COL28A1: variants seen among roughly 807,000 people sequenced by gnomAD.
The protein encoded by COL28A1 is collagen alpha-1(XXVIII) chain.
A neutral mutation model predicts 150.2 loss-of-function variants in COL28A1; 161 were observed. The observed-to-expected ratio is 1.07, with a 90% confidence interval of 0.94 to 1.22. The LOEUF is 1.22. Ranked by LOEUF, COL28A1 falls within the 50% of genes most tolerant of loss-of-function variation. COL28A1 has a pLI of 0.00. For synonymous variants in COL28A1, 552 were observed against 469.7 expected, an observed-to-expected ratio of 1.18 and a Z score of -2.26; for missense variants, 1,617 against 1,388.3, an observed-to-expected ratio of 1.16 and a Z score of -2.62.
Position 7,381,599 on chromosome 7 carries a change from G to A in COL28A1, c.2150C>T (p.Pro717Leu). ...GSQGIKGEQGPQGFPGPKGTM... is the reference protein window; with the variant it reads ...GSQGIKGEQGLQGFPGPKGTM... ...GCCCTTTGGGCCTGGGAAGCCTTGT[G>A]GTCCTTGTTCCCCCTACATAGGATA... is the stretch of plus-strand genomic sequence containing the variant. Residue 717 changes from proline to leucine, a missense_variant, in exon 28 of 35, where the codon CCA (proline) becomes CTA (leucine). Transcript: ENST00000399429. 1 of 1,613,394 alleles carries A rather than the reference G, an allele frequency of 6.2e-7. No homozygotes were observed.
rs115043226 is a variant in COL28A1 at position 7,397,831 on chromosome 7, C to A, written c.2137-16219G>T. On this transcript the variant is annotated intron_variant, in intron 27 of 34. Transcript: ENST00000399429. The stretch of plus-strand genomic sequence containing the variant: ...GAGTGAGGTCCACCCACCAGCCAAA[C>A]AGAGCACCTAATTCTTGAGCTCCAT... Among the ~76,000 whole-genome samples, 1,212 of 152,308 alleles carry A rather than the reference C, an allele frequency of 8.0e-3. 14 individuals carry two copies. Among genetic ancestry groups the A allele is most frequent in the African/African-American group, 0.027 (1,129 of 41,546 alleles).
chr7:7,452,234 A>G (rs114477688), intron 18 of COL28A1, 85 bp downstream of exon 18: 217,808 of 1,547,248 alleles, frequency 0.14, 19,270 homozygotes, highest in African/African-American at 0.43. Context: ...ACACACACAG[A>G]GTCTGTAAGG....
At chr7:7,509,631 A>G (rs1007024865) in intron 9 of COL28A1, among the ~76,000 whole-genome samples, 6 of 150,062 alleles carry the variant, frequency 4.0e-5, no homozygotes, top group Non-Finnish European at 7.4e-5. Context: ...TATAATTGGC[A>G]GTGGGTTTTT....
chr7:7,367,518 T>A (rs1199800297), intron 33 of COL28A1, among the ~76,000 whole-genome samples: 1 of 152,258 alleles, frequency 6.6e-6, no homozygotes, highest in South Asian at 2.1e-4. Flanking sequence ...ACTATCTGGG[T>A]CAAAGTTCCC....
intron 30 of COL28A1, among the ~76,000 whole-genome samples, chr7:7,377,037 G>A (rs1781592660): frequency 6.6e-6 from 1 of 152,078 alleles, no homozygotes; most frequent in Admixed American, 6.5e-5. Flanking sequence ...TATTCATGAG[G>A]CTACATTTCA....
chr7:7,490,605 A>T lies in COL28A1; in HGVS notation c.1068T>A (p.Ala356=). The change falls in exon 12 of 35, where the codon GCT becomes GCA. Residue 356 remains alanine (A), a synonymous_variant. Transcript: ENST00000399429. Reference sequence around the variant, plus strand: ...TAATACCTTGCTGTCCAATTCCAGGAGCTCCTGGAGAACCATAAGGACCAG... The same window carrying T: ...TAATACCTTGCTGTCCAATTCCAGGTGCTCCTGGAGAACCATAAGGACCAG... The part of the protein sequence containing the change: ...GPPGPYGSPG[A]PGIGQQGIKG... 2.1e-6 allele frequency: 3 copies of T among 1,395,460 alleles called. No individual in the cohort carries two copies. Among genetic ancestry groups the T allele is most frequent in the South Asian group, 1.2e-5 (1 of 85,890 alleles). The allele number at this position is 1,395,460 out of a possible 1,614,324, so 86.4% of individuals were successfully genotyped here.
intron 8 of COL28A1, among the ~76,000 whole-genome samples, chr7:7,514,510 C>T (rs564536209): frequency 3.9e-5 from 6 of 152,172 alleles, no homozygotes; most frequent in Admixed American, 2.0e-4. Context: ...ACATTGCCAG[C>T]GATTAGGATA....
In COL28A1 at chr7:7,419,986, T is replaced by C. The variant is rs762004748; in HGVS notation, c.1999-33A>G. Reference sequence around the variant, plus strand: ...GACACAACAAATAACAAGTTACTAATTTTTTAAAGACTTTATGTTTTTTTC... The same window carrying C: ...GACACAACAAATAACAAGTTACTAACTTTTTAAAGACTTTATGTTTTTTTC... On this transcript the variant is annotated intron_variant, in intron 25 of 34. Coordinates refer to ENST00000399429, the MANE Select transcript of COL28A1 (RefSeq NM_001037763.3). The C allele has an allele frequency of 2.2e-5, 31 of 1,405,758 alleles. 1 individual carries two copies. In the South Asian group the frequency reaches 4.1e-4, roughly 19 times the overall value. The allele number at this position is 1,405,758 out of a possible 1,614,324, so 87.1% of individuals were successfully genotyped here.
chr7:7,503,865 C>T (rs1202453426), intron 11 of COL28A1, among the ~76,000 whole-genome samples: 3 of 152,170 alleles, frequency 2.0e-5, no homozygotes, highest in African/African-American at 7.2e-5. Context: ...CGATCCCCAA[C>T]ATTATCTAGA....
intron 9 of COL28A1, among the ~76,000 whole-genome samples, chr7:7,509,309 G>A (rs59318672): frequency 0.028 from 4,246 of 152,156 alleles, 208 homozygotes; most frequent in African/African-American, 0.098. Context: ...TTTTTGTAGA[G>A]ACGGGGCCTC....
intron 11 of COL28A1, among the ~76,000 whole-genome samples, chr7:7,501,216 T>C (rs1409489932): frequency 6.6e-6 from 1 of 152,230 alleles, no homozygotes; most frequent in Non-Finnish European, 1.5e-5. Flanking sequence ...AGGAATATTA[T>C]GAACGTCCTA....
At chr7:7,437,611 A>G in intron 21 of COL28A1, 149 bp from the exon 22 acceptor site, 1 of 1,297,696 alleles carries the variant, frequency 7.7e-7, no homozygotes, top group Non-Finnish European at 9.7e-7. Flanking sequence ...TAATTTGAGC[A>G]TCTTTTGTAA....
intron 33 of COL28A1, 115 bp downstream of exon 33, chr7:7,370,610 T>C: frequency 5.3e-6 from 4 of 760,190 alleles, no homozygotes; most frequent in Non-Finnish European, 8.1e-6. Context: ...GCCAAGGACC[T>C]AAAAATACAC....
At chr7:7,438,642 T>TA (rs1489700750) in intron 21 of COL28A1, among the ~76,000 whole-genome samples, 1 of 151,920 alleles carries the variant, frequency 6.6e-6, no homozygotes, top group African/African-American at 2.4e-5. Flanking sequence ...TCTATATTTT[T>TA]ATCTCATCAA....
intron 15 of COL28A1, among the ~76,000 whole-genome samples, chr7:7,474,389 A>T (rs1333167972): frequency 1.3e-5 from 2 of 152,068 alleles, no homozygotes; most frequent in Non-Finnish European, 2.9e-5. Context: ...AATCACCACT[A>T]AAGAACTTAC....
intron 4 of COL28A1, among the ~76,000 whole-genome samples, chr7:7,522,654 G>A (rs190683512): frequency 1.3e-4 from 19 of 151,992 alleles, no homozygotes; most frequent in South Asian, 8.3e-4. Context: ...TCAGTATTAC[G>A]CAGAAAAACA....
intron 15 of COL28A1, among the ~76,000 whole-genome samples, chr7:7,459,751 G>T (rs550524620): frequency 1.3e-4 from 20 of 152,134 alleles, no homozygotes; most frequent in Non-Finnish European, 2.1e-4. Flanking sequence ...CCCTAACAAC[G>T]AGGAGCTGAC....
In COL28A1 at chr7:7,487,739, C is replaced by T. The variant is rs111508391; in HGVS notation, c.1164+1650G>A. ...CAAGTTCTTTGATATTCTTCATAAGCGGGCAAAATCTTTTTCTATTCCACT... is the reference window on the plus strand; with the variant it reads ...CAAGTTCTTTGATATTCTTCATAAGTGGGCAAAATCTTTTTCTATTCCACT... On this transcript the variant is annotated intron_variant, in intron 13 of 34. Coordinates refer to ENST00000399429, the MANE Select transcript of COL28A1 (RefSeq NM_001037763.3). 4.6e-5 allele frequency among the ~76,000 whole-genome samples: 7 copies of T among 152,210 alleles called. No individual in the cohort carries two copies. In the East Asian group the frequency reaches 5.8e-4, roughly 13 times the overall value.
chr7:7,425,544 C>A (rs373822671), intron 25 of COL28A1, among the ~76,000 whole-genome samples: 1 of 152,130 alleles, frequency 6.6e-6, no homozygotes, highest in Non-Finnish European at 1.5e-5. Context: ...CTTGGTTTTG[C>A]GGTTTACTCC....
Sources: allele counts gnomAD v4.1 joint callset (sites outside exome capture counted in the v4.1 genomes callset), GRCh38; gene constraint gnomAD v4.1.1; transcripts MANE v1.5; gene names NCBI Gene and HGNC (gene_info 2026-07-23, HGNC 2026-07-21).